The following SLC36A1 variants were observed in gnomAD, a reference collection of about 807,000 sequenced individuals.
The protein encoded by SLC36A1 is proton-coupled amino acid transporter 1.
Under a neutral mutation model 47.5 loss-of-function variants are expected in SLC36A1, and 30 were observed. The observed-to-expected ratio is 0.63, with a 90% CI of 0.47 to 0.86. The LOEUF (loss-of-function observed/expected upper bound fraction) is 0.86. Among genes scored for constraint, SLC36A1 ranks in the 40% least tolerant of loss-of-function variants. SLC36A1 has a pLI of 0.00. For missense variants in SLC36A1, 517 were observed against 606.0 expected, an observed-to-expected ratio of 0.85 and a Z score of 1.54; for synonymous variants, 255 against 249.7, an observed-to-expected ratio of 1.02 and a Z score of -0.20.
At chr5:151,534,341 G>T in the SLC36A1 span, 1 of 1,303,310 alleles carries the variant, frequency 7.7e-7, no homozygotes, top group Non-Finnish European at 1.1e-6. Flanking sequence ...GACACAAAGG[G>T]GACCAAACCC....
the SLC36A1 span, among the ~76,000 whole-genome samples, chr5:151,415,420 A>C: frequency 6.6e-6 from 1 of 151,672 alleles, no homozygotes; most frequent in African/African-American, 2.4e-5. Context: ...CAGTCCTCTG[A>C]GCTCTTTCCA....
At chr5:151,385,011 T>A in the SLC36A1 span, among the ~76,000 whole-genome samples, 9,432 of 95,670 alleles carry the variant, frequency 0.099, 350 homozygotes, top group East Asian at 0.15. Flanking sequence ...AGAGAGAGAG[T>A]GTGTGTGTGT....
chr5:151,409,074 T>C, the SLC36A1 span, among the ~76,000 whole-genome samples: 1 of 151,562 alleles, frequency 6.6e-6, no homozygotes, highest in Non-Finnish European at 1.5e-5. Context: ...TCATGGCTCA[T>C]TGCAGTGTCA....
the SLC36A1 span, chr5:151,545,765 G>A: frequency 4.3e-6 from 7 of 1,614,092 alleles, no homozygotes; most frequent in Non-Finnish European, 5.9e-6. Flanking sequence ...TCAGAGGCAT[G>A]AATCACAAAG....
the SLC36A1 span, among the ~76,000 whole-genome samples, chr5:151,391,701 C>T: frequency 1.3e-5 from 2 of 152,056 alleles, no homozygotes; most frequent in African/African-American, 2.4e-5. Context: ...TGCTGGATTA[C>T]GTTTATTGAT....
the SLC36A1 span, among the ~76,000 whole-genome samples, chr5:151,413,470 A>G: frequency 6.2e-4 from 94 of 152,318 alleles, no homozygotes; most frequent in African/African-American, 2.1e-3. Context: ...AACAAATAGC[A>G]TATCAATATC....
At chr5:151,392,169 G>T in the SLC36A1 span, among the ~76,000 whole-genome samples, 9 of 152,286 alleles carry the variant, frequency 5.9e-5, no homozygotes, top group South Asian at 1.9e-3. Context: ...ATTTCTTCTA[G>T]ATTTTCTAGT....
downstream of SLC36A1, among the ~76,000 whole-genome samples, chr5:151,494,964 T>C (rs189095173): frequency 1.3e-5 from 2 of 152,232 alleles, no homozygotes; most frequent in East Asian, 1.9e-4. Context: ...TAAATACTCA[T>C]GTACAGGTCT....
the SLC36A1 span, chr5:151,549,251 A>T: frequency 1.4e-5 from 22 of 1,575,442 alleles, no homozygotes; most frequent in African/African-American, 2.7e-4. Flanking sequence ...TTTATTTCTA[A>T]AGCATCTTGA....
chr5:151,495,023 A>G (rs60676257), downstream of SLC36A1, among the ~76,000 whole-genome samples: 129 of 152,370 alleles, frequency 8.5e-4, 2 homozygotes, highest in East Asian at 0.024. Flanking sequence ...CCTAGAGGTG[A>G]AATGATGAGG....
At position 151,458,906 on chromosome 5, in the gene SLC36A1, C is replaced by T. The variant is rs1755101886; in HGVS notation, c.114C>T (p.Tyr38=). Residue 38 remains tyrosine, a synonymous_variant, in exon 2 of 11, where the codon TAC becomes TAT. Transcript: ENST00000243389. ...ACAACCTCTCCTCCCCGGGCTCCTA[C>T]CAGCGCTTTGGTCAAAGCAATAGCA... ...GLNNLSSPGS[Y]QRFGQSNSTT... 6.2e-7 allele frequency: 1 copy of T among 1,613,646 alleles called. No individual in the cohort carries two copies. Among genetic ancestry groups the T allele is most frequent in the Non-Finnish European group, 8.5e-7 (1 of 1,179,858 alleles).
chr5:151,386,839 A>G, the SLC36A1 span, among the ~76,000 whole-genome samples: 172 of 152,168 alleles, frequency 1.1e-3, 1 homozygote, highest in Non-Finnish European at 2.2e-3. Context: ...GGCATGTTCA[A>G]ATCCATTTGT....
the SLC36A1 span, chr5:151,378,553 AT>A: frequency 4.6e-6 from 1 of 217,956 alleles, no homozygotes. Flanking sequence ...TATCTTTTCC[AT>A]TTAATCCCTG....
At chr5:151,542,486 C>T in the SLC36A1 span, 17 of 1,614,150 alleles carry the variant, frequency 1.1e-5, no homozygotes, top group Admixed American at 3.3e-5. Flanking sequence ...ATGGTCTGTC[C>T]GTGGTCATAG....
the SLC36A1 span, among the ~76,000 whole-genome samples, chr5:151,395,067 C>T: frequency 6.6e-6 from 1 of 152,232 alleles, no homozygotes; most frequent in African/African-American, 2.4e-5. Flanking sequence ...ATTCAAGCTT[C>T]CTGGCCGCTT....
At chr5:151,397,832 T>C in the SLC36A1 span, among the ~76,000 whole-genome samples, 1 of 148,368 alleles carries the variant, frequency 6.7e-6, no homozygotes, top group African/African-American at 2.5e-5. Context: ...AATTATTACA[T>C]GTGGCCGGGC....
intron 1 of SLC36A1, among the ~76,000 whole-genome samples, chr5:151,455,335 A>G (rs1426385089): frequency 6.8e-6 from 1 of 147,762 alleles, no homozygotes; most frequent in East Asian, 1.9e-4. Context: ...AGAACTCCCA[A>G]GCAGAATTTT....
chr5:151,463,168 C>T (rs1188310691), intron 2 of SLC36A1, among the ~76,000 whole-genome samples: 2 of 152,200 alleles, frequency 1.3e-5, no homozygotes, highest in African/African-American at 4.8e-5. Flanking sequence ...AGCCACTGTG[C>T]CTGGCCAGGT....
At chr5:151,368,650 CT>C in the SLC36A1 span, among the ~76,000 whole-genome samples, 1 of 152,226 alleles carries the variant, frequency 6.6e-6, no homozygotes, top group Non-Finnish European at 1.5e-5. Flanking sequence ...TGGTTGTCCT[CT>C]GTTGCCAGCT....
Sources: gnomAD v4.1 joint callset for allele counts (sites outside exome capture counted in the v4.1 genomes callset) on GRCh38, gnomAD v4.1.1 for gene constraint, MANE v1.5 for transcripts, NCBI Gene and HGNC (gene_info 2026-07-23, HGNC 2026-07-21) for gene names.